The following TSEN2 variants were observed in gnomAD, a reference collection of about 807,000 sequenced individuals.
The protein encoded by TSEN2 is tRNA splicing endonuclease subunit 2.
A neutral mutation model predicts 59.2 loss-of-function variants in TSEN2; 54 were observed. The ratio of observed to expected loss-of-function variants is 0.91; its 90% CI spans 0.73 to 1.14. The LOEUF is 1.14. TSEN2 is among the 50% of genes most tolerant of loss of function. TSEN2 has a pLI of 0.00. For missense variants in TSEN2, 636 were observed against 576.2 expected (o/e 1.10, Z -1.06); for synonymous variants, 195 against 198.2 (o/e 0.98, Z 0.14).
At chr3:12,512,766 G>C (rs2055615608) in intron 6 of TSEN2, among the ~76,000 whole-genome samples, 3 of 152,212 alleles carry the variant, frequency 2.0e-5, no homozygotes, top group Non-Finnish European at 4.4e-5. Context: ...CGGTCATGGT[G>C]ATGATTTAAT....
rs149939683 is a variant in TSEN2 at position 12,531,586 on chromosome 3, A to G, written c.1265A>G (p.Tyr422Cys). Residue 422 changes from tyrosine to cysteine, a missense_variant, in exon 11 of 12, where the codon TAT becomes TGT. Physicochemically the swap from Tyr to Cys is radical, Grantham distance 194. Transcript: ENST00000284995. ...VNVSKELMLC[Y>C]LIKPSTMTDK... ...TCTCAATAGGAACTTATGCTGTGCT[A>G]TTTGATTAAACCCTCTACTATGACT... The G allele has an allele frequency of 3.1e-6, 5 of 1,610,620 alleles. No homozygotes were observed. Among genetic ancestry groups the G allele is most frequent in the East Asian group, 2.2e-5 (1 of 44,854 alleles).
At chr3:12,504,615 T>G (rs1377392414) in intron 5 of TSEN2, among the ~76,000 whole-genome samples, 2 of 151,960 alleles carry the variant, frequency 1.3e-5, no homozygotes, top group Non-Finnish European at 2.9e-5. Flanking sequence ...TAAAATAAAA[T>G]TCACCAACAA....
At chr3:12,517,374 A>T (rs1182618811) in intron 7 of TSEN2, among the ~76,000 whole-genome samples, 3 of 150,550 alleles carry the variant, frequency 2.0e-5, no homozygotes, top group African/African-American at 7.4e-5. Context: ...AAAAAAAAGA[A>T]TTTGCAGATA....
intron 5 of TSEN2, among the ~76,000 whole-genome samples, chr3:12,504,874 G>A (rs942270823): frequency 3.3e-5 from 5 of 152,014 alleles, no homozygotes; most frequent in African/African-American, 7.3e-5. Context: ...GGTGGCACAC[G>A]CCTGTAGTCC....
chr3:12,498,070 C>T (rs910699068), intron 4 of TSEN2, among the ~76,000 whole-genome samples: 14 of 142,430 alleles, frequency 9.8e-5, no homozygotes, highest in African/African-American at 3.3e-4. Context: ...AAATTTTCCT[C>T]TTTTTTTTTT....
chr3:12,495,240 A>G (rs2053633778), intron 3 of TSEN2, among the ~76,000 whole-genome samples: 1 of 151,160 alleles, frequency 6.6e-6, no homozygotes, highest in African/African-American at 2.4e-5. Flanking sequence ...GTGAGAAATT[A>G]TTTTGAGTAA....
At chr3:12,495,517 C>T (rs1409134617) in intron 3 of TSEN2, among the ~76,000 whole-genome samples, 1 of 152,204 alleles carries the variant, frequency 6.6e-6, no homozygotes, top group Non-Finnish European at 1.5e-5. Flanking sequence ...AGGAATGAGC[C>T]AGTGAGCCTG....
chr3:12,521,826 A>G (rs1001151350), intron 8 of TSEN2, among the ~76,000 whole-genome samples: 1 of 152,146 alleles, frequency 6.6e-6, no homozygotes, highest in African/African-American at 2.4e-5. Context: ...CCTGGCTAAC[A>G]CGGTGAAACC....
At chr3:12,502,377 A>G (rs2054355566) in intron 4 of TSEN2, among the ~76,000 whole-genome samples, 1 of 151,904 alleles carries the variant, frequency 6.6e-6, no homozygotes, top group Admixed American at 6.6e-5. Context: ...GTGTTCAAAA[A>G]TACAAAAAAT....
intron 8 of TSEN2, among the ~76,000 whole-genome samples, chr3:12,520,208 C>G (rs978196076): frequency 6.6e-6 from 1 of 152,148 alleles, no homozygotes; most frequent in African/African-American, 2.4e-5. Context: ...CCGTGCCAGC[C>G]AGGATGGTCT....
downstream of TSEN2, among the ~76,000 whole-genome samples, chr3:12,534,201 G>A (rs1251031927): frequency 6.6e-6 from 1 of 152,218 alleles, no homozygotes; most frequent in African/African-American, 2.4e-5. Context: ...TCTACCTCGG[G>A]TGGGGTGCAG....
chr3:12,497,805 C>T (rs934667050), intron 4 of TSEN2, among the ~76,000 whole-genome samples: 1 of 152,182 alleles, frequency 6.6e-6, no homozygotes, highest in African/African-American at 2.4e-5. Context: ...GCTGCCATAA[C>T]AAAGTACCAC....
chr3:12,486,456 A>C (rs192442743), intron 1 of TSEN2, among the ~76,000 whole-genome samples: 1 of 152,160 alleles, frequency 6.6e-6, no homozygotes, highest in African/African-American at 2.4e-5. Flanking sequence ...GTTTCTTTCT[A>C]TCTTTTCTAG....
At chr3:12,509,193 T>A (rs537676924) in intron 6 of TSEN2, among the ~76,000 whole-genome samples, 3 of 128,118 alleles carry the variant, frequency 2.3e-5, no homozygotes, top group African/African-American at 7.0e-5. Flanking sequence ...TTTTTTTTGG[T>A]TTTTTTTGTT....
At chr3:12,497,897 C>T (rs1235170659) in intron 4 of TSEN2, among the ~76,000 whole-genome samples, 2 of 152,156 alleles carry the variant, frequency 1.3e-5, no homozygotes, top group Non-Finnish European at 2.9e-5. Context: ...TCAGCAGGGC[C>T]ACAGTCCCTC....
upstream of TSEN2, among the ~76,000 whole-genome samples, chr3:12,482,209 C>T (rs1370153366): frequency 2.0e-5 from 3 of 152,216 alleles, no homozygotes; most frequent in Non-Finnish European, 4.4e-5. Flanking sequence ...ACAACCTCCA[C>T]CTCCCCGGTT....
At chr3:12,528,821 G>T in intron 8 of TSEN2, 67 bp from the exon 9 acceptor site, 3 of 1,556,706 alleles carry the variant, frequency 1.9e-6, no homozygotes, top group Non-Finnish European at 2.6e-6. Flanking sequence ...CAAGCTTTTT[G>T]TTGAGTCTTA....
At chr3:12,505,017 A>T in intron 5 of TSEN2, 137 bp from the exon 6 acceptor site, 1 of 684,166 alleles carries the variant, frequency 1.5e-6, no homozygotes, top group South Asian at 1.7e-5. Flanking sequence ...ATTGTGTTTT[A>T]ATCATTCTTT....
In TSEN2 at chr3:12,503,785, G is replaced by A. The variant is rs1017035386; in HGVS notation, c.831+1G>A. On this transcript the variant is annotated splice_donor_variant, in intron 5 of 11. Coordinates refer to ENST00000284995, the MANE Select transcript of TSEN2 (RefSeq NM_025265.4). LOFTEE classifies it high-confidence loss of function. Reference sequence around the variant, plus strand: ...GAGGGAGGCTGCCCCAAATGAGGAAGTAAGTAGAAGAAAATAAATCGCTTC... The same window carrying A: ...GAGGGAGGCTGCCCCAAATGAGGAAATAAGTAGAAGAAAATAAATCGCTTC... The A allele has an allele frequency of 1.2e-5, 19 of 1,613,710 alleles. No individual in the cohort carries two copies. Among genetic ancestry groups the A allele is most frequent in the South Asian group, 5.5e-5 (5 of 90,968 alleles).
Sources: allele counts gnomAD v4.1 joint callset (sites outside exome capture counted in the v4.1 genomes callset), GRCh38; gene constraint gnomAD v4.1.1; transcripts MANE v1.5; gene names NCBI Gene and HGNC (gene_info 2026-07-23, HGNC 2026-07-21).